Variants in CEMIP2 observed in about 807,000 individuals in gnomAD.
CEMIP2 encodes cell surface hyaluronidase CEMIP2.
CEMIP2 carries 79 observed loss-of-function variants against 146.9 expected under a neutral mutation model. The observed-to-expected ratio is 0.54, with a 90% confidence interval of 0.45 to 0.65. The LOEUF (loss-of-function observed/expected upper bound fraction) is 0.65. Among genes scored for constraint, CEMIP2 ranks in the 30% least tolerant of loss-of-function variants. The pLI is 0.00. For missense variants in CEMIP2, 1,596 were observed against 1,696.2 expected (o/e 0.94, Z 1.04); for synonymous variants, 601 against 606.3 (o/e 0.99, Z 0.13).
chr9:71,687,234 A>C (rs1366270759), intron 22 of CEMIP2: 1 of 152,228 alleles, frequency 6.6e-6, no homozygotes, highest in African/African-American at 2.4e-5. Context: ...ACCTTTTGGG[A>C]CACTAATGGA....
At chr9:71,692,779 A>C (rs1822270431) in intron 21 of CEMIP2, among the ~76,000 whole-genome samples, 1 of 152,068 alleles carries the variant, frequency 6.6e-6, no homozygotes, top group Non-Finnish European at 1.5e-5. Context: ...AAGTGGGACT[A>C]AAGCATGTGC....
chr9:71,761,142 C>A (rs1372500920), intron 1 of CEMIP2, among the ~76,000 whole-genome samples: 1 of 152,182 alleles, frequency 6.6e-6, no homozygotes. Flanking sequence ...AAAGAAAGAA[C>A]CAAAGTCGAA....
At chr9:71,688,907 C>T (rs1309390850) in intron 22 of CEMIP2, among the ~76,000 whole-genome samples, 1 of 152,186 alleles carries the variant, frequency 6.6e-6, no homozygotes, top group Admixed American at 6.5e-5. Context: ...TAAAATGTTA[C>T]ACACACACTG....
At chr9:71,733,848 CTTT>C (rs757541859) in intron 6 of CEMIP2, among the ~76,000 whole-genome samples, 1 of 145,508 alleles carries the variant, frequency 6.9e-6, no homozygotes, top group Non-Finnish European at 1.5e-5. Flanking sequence ...TTTGTGTAGT[CTTT>C]TTTTTTTTTT....
Position 71,725,623 on chromosome 9 carries a change from T to C in CEMIP2, c.2136A>G (p.Pro712=). 1 of 1,614,054 alleles carries C rather than the reference T, an allele frequency of 6.2e-7. No individual in the cohort carries two copies. Among genetic ancestry groups the C allele is most frequent in the Non-Finnish European group, 8.5e-7 (1 of 1,179,974 alleles). The change falls in exon 11 of 24, where the codon CCA becomes CCG. Residue 712 remains proline, a synonymous_variant. Transcript: ENST00000377044. ...LQLLAKPELT[P]LGIFYNNRVH... The stretch of plus-strand genomic sequence containing the variant: ...CCCTGTTGTTATAAAATATACCCAA[T>C]GGAGTGAGTTCTGGTTTTGCCAAGA...
chr9:71,696,963 T>C (rs1166747425), intron 20 of CEMIP2, among the ~76,000 whole-genome samples: 2 of 152,058 alleles, frequency 1.3e-5, no homozygotes, highest in East Asian at 3.9e-4. Context: ...TAGGAAGAAA[T>C]GAAAAGAAAG....
At chr9:71,748,761 C>A (rs1824161609) in intron 2 of CEMIP2, among the ~76,000 whole-genome samples, 1 of 152,182 alleles carries the variant, frequency 6.6e-6, no homozygotes, top group African/African-American at 2.4e-5. Context: ...TATTAATGTG[C>A]ATGTCTCTCT....
intron 12 of CEMIP2, among the ~76,000 whole-genome samples, chr9:71,720,322 G>A (rs1309413228): frequency 6.6e-6 from 1 of 152,134 alleles, no homozygotes; most frequent in Non-Finnish European, 1.5e-5. Context: ...ATGGAGTCTT[G>A]CCTTTTTGCT....
rs558098364 is a variant in CEMIP2 at position 71,725,029 on chromosome 9, C to T, written c.2178+552G>A. ...CACGTGCATGTATGTGTTGCACATA[C>T]CTGTATGCGCAATAGGTATGTATAA... is the stretch of plus-strand genomic sequence containing the variant. On this transcript the variant is annotated intron_variant, in intron 11 of 23. Transcript: ENST00000377044. Among the ~76,000 whole-genome samples, 11 of 152,208 alleles carry T rather than the reference C, an allele frequency of 7.2e-5. No homozygotes were observed. In the South Asian group the frequency reaches 1.9e-3, roughly 26 times the overall value.
chr9:71,687,755 A>C (rs1229773378), intron 22 of CEMIP2, among the ~76,000 whole-genome samples: 2 of 152,178 alleles, frequency 1.3e-5, no homozygotes. Context: ...AGTCCCAGCT[A>C]CTTGGAAGGC....
intron 18 of CEMIP2, among the ~76,000 whole-genome samples, chr9:71,704,023 C>T (rs540738404): frequency 1.3e-5 from 2 of 152,300 alleles, no homozygotes; most frequent in Middle Eastern, 6.8e-3. Flanking sequence ...TCAACTTACA[C>T]ACAATAAACA....
intron 1 of CEMIP2, among the ~76,000 whole-genome samples, chr9:71,753,128 G>A (rs1428412511): frequency 2.0e-5 from 3 of 152,162 alleles, no homozygotes; most frequent in Admixed American, 6.5e-5. Context: ...AAGGGCTAAC[G>A]TAGGTATTCT....
intron 1 of CEMIP2, among the ~76,000 whole-genome samples, chr9:71,767,994 A>C (rs1824850849): frequency 1.3e-5 from 2 of 152,210 alleles, no homozygotes; most frequent in South Asian, 4.1e-4. Context: ...CAGAAAGTTT[A>C]AGGCTGTTCG....
chr9:71,737,164 A>G lies in CEMIP2; in HGVS notation c.1205-2170T>C, dbSNP rs1823784221. Among the ~76,000 whole-genome samples the G allele has an allele frequency of 2.0e-5, 3 of 149,994 alleles. 1 individual carries two copies. In the South Asian group the frequency reaches 6.6e-4, roughly 33 times the overall value. On this transcript the variant is annotated intron_variant, in intron 5 of 23. Coordinates refer to ENST00000377044, the MANE Select transcript of CEMIP2 (RefSeq NM_013390.3). ...AGAGTAAGATCTTTCTCAAAAAAAA[A>G]AAAAAAAAAGAAAGAAAGAAAGAAA...
intron 9 of CEMIP2, 24 bp downstream of exon 9, chr9:71,730,024 T>G: frequency 1.2e-6 from 2 of 1,613,954 alleles, no homozygotes; most frequent in South Asian, 2.2e-5. Flanking sequence ...GACTCATGGG[T>G]TTTTCTCTCC....
At position 71,750,091 on chromosome 9, in the gene CEMIP2, T is replaced by TA. The variant is rs1824201659; in HGVS notation, c.282dup (p.Ile95TyrfsTer17). 6.2e-7 allele frequency: 1 copy of TA among 1,613,236 alleles called. No homozygotes were observed. Among genetic ancestry groups the TA allele is most frequent in the Non-Finnish European group, 8.5e-7 (1 of 1,179,640 alleles). ...ATTCCTAAAATGATTGCAAGTGCAATAAAAAATGAGAAACTAGTAATAGCA... is the reference window on the plus strand; with the variant it reads ...ATTCCTAAAATGATTGCAAGTGCAATAAAAAAATGAGAAACTAGTAATAGCA... On this transcript the variant is annotated frameshift_variant, in exon 2 of 24. Transcript: ENST00000377044. LOFTEE classifies it high-confidence loss of function.
intron 17 of CEMIP2, among the ~76,000 whole-genome samples, chr9:71,706,566 T>C (rs1691618995): frequency 6.6e-6 from 1 of 152,242 alleles, no homozygotes; most frequent in Admixed American, 6.5e-5. Context: ...AAGGACTGAA[T>C]GCTTTACTGA....
chr9:71,748,358 A>G (rs1319346001), intron 2 of CEMIP2, among the ~76,000 whole-genome samples: 1 of 152,202 alleles, frequency 6.6e-6, no homozygotes, highest in African/African-American at 2.4e-5. Flanking sequence ...GTATATTATC[A>G]AAGTTATGTA....
At position 71,685,764 on chromosome 9, in the gene CEMIP2, G is replaced by T. The variant is rs866700308; in HGVS notation, c.3934C>A (p.Pro1312Thr). Residue 1312 changes from proline (P) to threonine (T), a missense_variant, in exon 23 of 24, where the codon CCA becomes ACA. Coordinates refer to ENST00000377044, the MANE Select transcript of CEMIP2 (RefSeq NM_013390.3). ...AAACCTTTGTCATAAAGATGAGCTG[G>T]TTTGGCTAATCCCAGAGGTACTAGT... ...HLLVPLGLAKPAHLYDKGSTI... is the reference protein window; with the variant it reads ...HLLVPLGLAKTAHLYDKGSTI... 6.2e-7 allele frequency: 1 copy of T among 1,613,772 alleles called. No homozygotes were observed. The highest frequency in any genetic ancestry group is 1.7e-5 in the Admixed American group (1 of 60,018).
Sources: allele counts gnomAD v4.1 joint callset (sites outside exome capture counted in the v4.1 genomes callset), GRCh38; gene constraint gnomAD v4.1.1; transcripts MANE v1.5; gene names NCBI Gene and HGNC (gene_info 2026-07-23, HGNC 2026-07-21).